The following DAB1 variants were observed in gnomAD, a reference collection of about 807,000 sequenced individuals.
The protein encoded by DAB1 is disabled homolog 1.
DAB1 carries 15 observed loss-of-function variants against 64.6 expected under a neutral mutation model. The observed-to-expected ratio is 0.23, with a 90% CI of 0.16 to 0.36. DAB1 has a LOEUF of 0.36. Among genes scored for constraint, DAB1 ranks in the 10% least tolerant of loss-of-function variants. DAB1 has a pLI of 1.00. For missense variants in DAB1, 596 were observed against 706.7 expected, an observed-to-expected ratio of 0.84 and a Z score of 1.78; for synonymous variants, 235 against 251.9, an observed-to-expected ratio of 0.93 and a Z score of 0.64.
chr1:57,809,654 C>G (rs377325963), intron 6 of DAB1, among the ~76,000 whole-genome samples: 2 of 152,166 alleles, frequency 1.3e-5, no homozygotes, highest in East Asian at 1.9e-4. Context: ...TGAGGACTGA[C>G]AGTCGCCTCC....
At chr1:57,663,888 T>C (rs1251523969) in intron 6 of DAB1, among the ~76,000 whole-genome samples, 1 of 152,120 alleles carries the variant, frequency 6.6e-6, no homozygotes, top group East Asian at 1.9e-4. Context: ...CTAAAATCAA[T>C]TGTAATGTAA....
At chr1:57,913,151 A>C (rs1644673568) in intron 5 of DAB1, among the ~76,000 whole-genome samples, 1 of 152,220 alleles carries the variant, frequency 6.6e-6, no homozygotes, top group Non-Finnish European at 1.5e-5. Flanking sequence ...TCCTAAGCCA[A>C]AAGCACAAAG....
intron 9 of DAB1, among the ~76,000 whole-genome samples, chr1:57,036,511 G>C (rs1443751525): frequency 1.3e-5 from 2 of 152,078 alleles, no homozygotes; most frequent in African/African-American, 2.4e-5. Flanking sequence ...CTTTTTCCCA[G>C]GTGATTCTTA....
intron 3 of DAB1, among the ~76,000 whole-genome samples, chr1:58,438,540 C>T (rs1304249579): frequency 2.0e-5 from 3 of 152,130 alleles, no homozygotes; most frequent in African/African-American, 7.2e-5. Context: ...TTTGTTTCCT[C>T]GACTCCGCCC....
At chr1:57,337,055 C>T (rs1169467463) in intron 1 of DAB1, among the ~76,000 whole-genome samples, 1 of 152,142 alleles carries the variant, frequency 6.6e-6, no homozygotes, top group African/African-American at 2.4e-5. Context: ...TCCTGGGTCT[C>T]AGTGTCTGGC....
chr1:57,600,706 AAT>A lies in DAB1; in HGVS notation n.625+48884_625+48885del, dbSNP rs200821941. ...TGAATTAGCATAAGCATTGTCATGT[AAT>A]GAGTTGTCAGCCTGAAGATGTAATT... On this transcript the variant is annotated intron_variant and non_coding_transcript_variant, in intron 7 of 20. Coordinates refer to the DAB1 transcript ENST00000485760. Among the ~76,000 whole-genome samples the A allele has an allele frequency of 8.2e-3, 1,252 of 152,304 alleles. 8 individuals carry two copies. Among genetic ancestry groups the A allele is most frequent in the Non-Finnish European group, 0.012 (850 of 68,024 alleles).
chr1:57,970,405 G>A (rs896913275), intron 5 of DAB1, among the ~76,000 whole-genome samples: 4 of 152,136 alleles, frequency 2.6e-5, no homozygotes, highest in South Asian at 2.1e-4. Flanking sequence ...ACCCTGAATC[G>A]CTGCAGTGGG....
chr1:57,047,799 C>T (rs1648711204), intron 9 of DAB1, among the ~76,000 whole-genome samples: 1 of 152,188 alleles, frequency 6.6e-6, no homozygotes, highest in Non-Finnish European at 1.5e-5. Context: ...ATCTTGTTGA[C>T]ACTATTGCTT....
At chr1:57,725,908 C>G (rs748119184) in intron 6 of DAB1, among the ~76,000 whole-genome samples, 1 of 152,098 alleles carries the variant, frequency 6.6e-6, no homozygotes, top group Non-Finnish European at 1.5e-5. Context: ...CATACCTCCA[C>G]GCCTGGCTAA....
chr1:57,367,142 C>T (rs1025585071), intron 1 of DAB1, among the ~76,000 whole-genome samples: 5 of 146,072 alleles, frequency 3.4e-5, no homozygotes, highest in African/African-American at 1.3e-4. Context: ...AGGCATGGTG[C>T]CATACATCTG....
chr1:57,342,451 A>AT (rs1490566505), intron 1 of DAB1, among the ~76,000 whole-genome samples: 1 of 152,226 alleles, frequency 6.6e-6, no homozygotes, highest in Non-Finnish European at 1.5e-5. Flanking sequence ...CACTTGGCAA[A>AT]TAGTGGATGC....
intron 7 of DAB1, among the ~76,000 whole-genome samples, chr1:57,430,865 G>T (rs1239307528): frequency 6.7e-6 from 1 of 150,212 alleles, no homozygotes; most frequent in Non-Finnish European, 1.5e-5. Flanking sequence ...TTTACTGATT[G>T]TTTACTCTAT....
intron 4 of DAB1, among the ~76,000 whole-genome samples, chr1:57,086,740 G>T (rs1195594724): frequency 6.6e-6 from 1 of 151,780 alleles, no homozygotes; most frequent in Non-Finnish European, 1.5e-5. Flanking sequence ...TGACAGTGGT[G>T]ATGGCAATGT....
intron 9 of DAB1, among the ~76,000 whole-genome samples, chr1:57,030,547 G>T (rs980811137): frequency 1.3e-5 from 2 of 152,230 alleles, no homozygotes; most frequent in Admixed American, 6.5e-5. Context: ...CCAACATGAA[G>T]GTGGGAGAGA....
intron 6 of DAB1, among the ~76,000 whole-genome samples, chr1:57,688,828 A>G (rs1318805921): frequency 6.6e-6 from 1 of 152,146 alleles, no homozygotes; most frequent in Non-Finnish European, 1.5e-5. Context: ...AAAACCAAAT[A>G]CCATATATTC....
rs546019609 is a variant in DAB1, at chr1:57,203,603, G to A, written c.68-58174C>T. 9.8e-5 allele frequency among the ~76,000 whole-genome samples: 15 copies of A among 152,292 alleles called. 1 individual carries two copies. The highest frequency in any genetic ancestry group is 8.3e-4 in the South Asian group (4 of 4,826). On this transcript the variant is annotated intron_variant, in intron 2 of 14. Transcript: ENST00000371236. Reference sequence around the variant, plus strand: ...AGCTAAACTTACTGTGGACAAATTGGCCAGTGGGGGTTCTTGTAACATCCC... The same window carrying A: ...AGCTAAACTTACTGTGGACAAATTGACCAGTGGGGGTTCTTGTAACATCCC...
chr1:57,387,821 CAA>C (rs55950458), intron 1 of DAB1, among the ~76,000 whole-genome samples: 2 of 104,312 alleles, frequency 1.9e-5, no homozygotes, highest in Non-Finnish European at 3.8e-5. Context: ...GACTCAGCCT[CAA>C]AAAAAAAAAA....
At chr1:58,367,892 A>C (rs1389131487) in intron 3 of DAB1, among the ~76,000 whole-genome samples, 1 of 152,208 alleles carries the variant, frequency 6.6e-6, no homozygotes, top group Non-Finnish European at 1.5e-5. Flanking sequence ...TTAAGGCACA[A>C]CTAAAGCACC....
chr1:58,195,240 T>G (rs965232651), intron 4 of DAB1, among the ~76,000 whole-genome samples: 1 of 152,136 alleles, frequency 6.6e-6, no homozygotes, highest in African/African-American at 2.4e-5. Context: ...CTGTATTTGT[T>G]GAGCCCAAAA....
Sources: gnomAD v4.1 joint callset for allele counts (sites outside exome capture counted in the v4.1 genomes callset) on GRCh38, gnomAD v4.1.1 for gene constraint, MANE v1.5 for transcripts, NCBI Gene and HGNC (gene_info 2026-07-23, HGNC 2026-07-21) for gene names.